Variants in FRK observed in about 807,000 individuals in gnomAD.
FRK encodes tyrosine-protein kinase FRK.
Under a neutral mutation model 56.4 loss-of-function variants are expected in FRK, and 51 were observed. The ratio of observed to expected loss-of-function variants is 0.90; its 90% CI spans 0.72 to 1.14. The LOEUF (loss-of-function observed/expected upper bound fraction) is 1.14, where lower values mean the gene tolerates loss of function less well. Among genes scored for constraint, FRK ranks in the 50% most tolerant of loss-of-function variants. FRK has a pLI of 0.00. For missense variants in FRK, 570 were observed against 601.4 expected (o/e 0.95, Z 0.55); for synonymous variants, 245 against 217.9 (o/e 1.12, Z -1.10).
chr6:116,068,529 C>T, the FRK span, among the ~76,000 whole-genome samples: 1 of 152,072 alleles, frequency 6.6e-6, no homozygotes, highest in Non-Finnish European at 1.5e-5. Context: ...TCTATCTAAC[C>T]AGCTGAAACC....
intron 2 of FRK, among the ~76,000 whole-genome samples, chr6:115,984,711 T>C (rs1186118884): frequency 6.6e-6 from 1 of 150,968 alleles, no homozygotes; most frequent in Non-Finnish European, 1.5e-5. Flanking sequence ...AAATATCCTA[T>C]ACCTGTTTCC....
At chr6:115,979,173 C>T (rs895225000) in intron 2 of FRK, among the ~76,000 whole-genome samples, 2 of 151,958 alleles carry the variant, frequency 1.3e-5, no homozygotes, top group African/African-American at 2.4e-5. Context: ...GAAGAAAGCA[C>T]TTTTATCATA....
intron 1 of FRK, among the ~76,000 whole-genome samples, chr6:116,046,525 A>G (rs1293002332): frequency 1.3e-5 from 2 of 152,146 alleles, no homozygotes; most frequent in East Asian, 3.8e-4. Context: ...GCAAACTAAC[A>G]CAAGAACAGA....
the FRK span, among the ~76,000 whole-genome samples, chr6:116,100,504 T>C: frequency 6.6e-6 from 1 of 152,338 alleles, no homozygotes; most frequent in East Asian, 1.9e-4. Flanking sequence ...CATGATCTCC[T>C]GGTTTCCGAG....
intron 1 of FRK, among the ~76,000 whole-genome samples, chr6:116,059,351 T>C (rs1777527348): frequency 6.6e-6 from 1 of 152,114 alleles, no homozygotes; most frequent in African/African-American, 2.4e-5. Context: ...TTTCTAATCA[T>C]AATAAAAACC....
the FRK span, among the ~76,000 whole-genome samples, chr6:116,079,430 A>T: frequency 2.0e-5 from 3 of 149,046 alleles, no homozygotes; most frequent in Admixed American, 1.3e-4. Flanking sequence ...TTCTTTCTGG[A>T]TAAGGGCTCT....
At chr6:115,947,080 TC>T (rs1460240244) in intron 5 of FRK, among the ~76,000 whole-genome samples, 2 of 151,870 alleles carry the variant, frequency 1.3e-5, no homozygotes, top group Admixed American at 6.6e-5. Flanking sequence ...AAAGCAGTTA[TC>T]ATAAAATTTG....
At chr6:116,063,921 C>A (rs1777705230), upstream of FRK, among the ~76,000 whole-genome samples, 1 of 152,092 alleles carries the variant, frequency 6.6e-6, no homozygotes, top group Admixed American at 6.5e-5. Context: ...AAGTGGCTAA[C>A]CCTGAGTAAC....
rs1177690917 is a variant in FRK, at chr6:115,937,867, C to A, written c.*4547G>T. ...CTACAAAGAGACTTAGACTCCCACA[C>A]AATAATAGTGGGAAATTTTAACAGC... On this transcript the variant is annotated 3_prime_UTR_variant, in exon 8 of 8. Coordinates refer to ENST00000606080, the MANE Select transcript of FRK (RefSeq NM_002031.3). 2 of 152,140 alleles carry A rather than the reference C, an allele frequency of 1.3e-5. No individual in the cohort carries two copies. The highest frequency in any genetic ancestry group is 2.4e-5 in the African/African-American group (1 of 41,416). 9.4% of individuals were successfully genotyped at this position (152,140 alleles called of 1,614,324 possible). A position where few individuals can be genotyped will look rare whatever the true frequency, so the allele number is the denominator to read the frequency against.
At chr6:115,982,725 G>C (rs985717699) in intron 2 of FRK, among the ~76,000 whole-genome samples, 1 of 151,988 alleles carries the variant, frequency 6.6e-6, no homozygotes, top group Non-Finnish European at 1.5e-5. Flanking sequence ...TGAAAGATGG[G>C]CCAACAGCTC....
intron 1 of FRK, among the ~76,000 whole-genome samples, chr6:116,033,814 C>T (rs1192109209): frequency 6.6e-6 from 1 of 152,046 alleles, no homozygotes. Context: ...TGAGCATAGA[C>T]TGTATTTAAG....
intron 5 of FRK, among the ~76,000 whole-genome samples, chr6:115,952,277 C>T (rs1408815221): frequency 6.6e-6 from 1 of 152,126 alleles, no homozygotes; most frequent in Non-Finnish European, 1.5e-5. Flanking sequence ...AATGGTAATG[C>T]CTAGGTTTTC....
chr6:115,985,461 T>C (rs540452410), intron 2 of FRK, among the ~76,000 whole-genome samples: 1 of 152,302 alleles, frequency 6.6e-6, no homozygotes, highest in Admixed American at 6.5e-5. Context: ...CAATCTTATA[T>C]TTCTGTACTA....
chr6:116,081,395 G>A, the FRK span, among the ~76,000 whole-genome samples: 6 of 152,118 alleles, frequency 3.9e-5, no homozygotes, highest in Non-Finnish European at 7.4e-5. Context: ...AGTGGCTCAC[G>A]CCTGTAATCC....
chr6:116,025,552 A>G (rs1217890979), intron 1 of FRK, among the ~76,000 whole-genome samples: 1 of 152,180 alleles, frequency 6.6e-6, no homozygotes, highest in African/African-American at 2.4e-5. Context: ...TAGACCATAA[A>G]TATGTTTTCA....
chr6:116,012,870 CT>C (rs1010514031), intron 1 of FRK, among the ~76,000 whole-genome samples: 1 of 152,174 alleles, frequency 6.6e-6, no homozygotes, highest in African/African-American at 2.4e-5. Flanking sequence ...TGACCTCTCT[CT>C]TTTCCCCCAA....
At position 115,973,872 on chromosome 6, in the gene FRK, G is replaced by GA. The variant is rs34745163; in HGVS notation, c.467-5134dup. Among the ~76,000 whole-genome samples, 776 of 137,600 alleles carry GA rather than the reference G, an allele frequency of 5.6e-3. 16 individuals carry two copies. Among genetic ancestry groups the GA allele is most frequent in the South Asian group, 0.037 (166 of 4,430 alleles). 90.3% of individuals were successfully genotyped at this position (137,600 alleles called of 152,430 possible). A position where few individuals can be genotyped will look rare whatever the true frequency, so the allele number is the denominator to read the frequency against. ...GGCAACAGAGCGAGACACAGTCTCA[G>GA]AAAAAAAAAAAAAAGCCAACAAAAA... On this transcript the variant is annotated intron_variant, in intron 2 of 7. Coordinates refer to ENST00000606080, the MANE Select transcript of FRK (RefSeq NM_002031.3).
At chr6:116,016,215 T>C (rs564202867) in intron 1 of FRK, among the ~76,000 whole-genome samples, 10 of 152,192 alleles carry the variant, frequency 6.6e-5, no homozygotes, top group Non-Finnish European at 1.2e-4. Context: ...CCTTCTGGAC[T>C]TGGTGCCCTA....
intron 1 of FRK, among the ~76,000 whole-genome samples, chr6:116,052,635 TG>T: frequency 6.6e-6 from 1 of 152,086 alleles, no homozygotes; most frequent in Middle Eastern, 3.4e-3. Flanking sequence ...AGGAAAGGCT[TG>T]GGGAAGGAGG....
Sources: gnomAD v4.1 joint callset for allele counts (sites outside exome capture counted in the v4.1 genomes callset) on GRCh38, gnomAD v4.1.1 for gene constraint, MANE v1.5 for transcripts, NCBI Gene and HGNC (gene_info 2026-07-23, HGNC 2026-07-21) for gene names.